Variants in BICD1 observed in about 807,000 individuals in gnomAD.
The protein encoded by BICD1 is BICD cargo adaptor 1, also known as protein bicaudal D homolog 1.
Under a neutral mutation model 92.5 loss-of-function variants are expected in BICD1, and 35 were observed. That is an observed-to-expected ratio of 0.38 (90% CI 0.29 to 0.50). The LOEUF (loss-of-function observed/expected upper bound fraction) is 0.50, where lower values mean the gene tolerates loss of function less well. BICD1 is among the 20% of genes least tolerant of loss of function. The pLI is 0.93. For missense variants in BICD1, 950 were observed against 1,189.8 expected (o/e 0.80, Z 2.97); for synonymous variants, 429 against 465.1 (o/e 0.92, Z 1.00).
In BICD1 at chr12:32,191,820, T is replaced by C. The variant is rs182284195; in HGVS notation, c.214-24427T>C. 5.3e-5 allele frequency among the ~76,000 whole-genome samples: 8 copies of C among 151,972 alleles called. No individual in the cohort carries two copies. In the East Asian group the frequency reaches 5.8e-4, roughly 11 times the overall value. On this transcript the variant is annotated intron_variant, in intron 1 of 9. Coordinates refer to ENST00000652176, the MANE Select transcript of BICD1 (RefSeq NM_001714.4). ...AGAAGGTGAATTTAATCAATAGATA[T>C]CATGTGGTCTCTGACTACTACAGTG...
rs1038551796 is a variant in BICD1 at position 32,216,601 on chromosome 12, T to C, written c.426+142T>C. On this transcript the variant is annotated intron_variant, in intron 2 of 9. Transcript: ENST00000652176. The stretch of plus-strand genomic sequence containing the variant: ...ACTACTAATACTGAGCTAGCAACTT[T>C]TCTTTTTTAGTGAAATGATAGCTAG... The C allele has an allele frequency of 4.7e-5, 38 of 801,112 alleles. No individual in the cohort carries two copies. The African/African-American group carries it at 5.9e-4, about 12-fold the overall frequency. 49.6% of individuals were successfully genotyped at this position (801,112 alleles called of 1,614,324 possible). A position where few individuals can be genotyped will look rare whatever the true frequency, so the allele number is the denominator to read the frequency against.
At chr12:32,270,698 T>A (rs1477603410) in intron 2 of BICD1, among the ~76,000 whole-genome samples, 2 of 152,254 alleles carry the variant, frequency 1.3e-5, no homozygotes, top group Non-Finnish European at 2.9e-5. Flanking sequence ...GTATTGATTC[T>A]GAATATGTAT....
chr12:32,138,689 G>A (rs915964825), intron 1 of BICD1, among the ~76,000 whole-genome samples: 3 of 152,154 alleles, frequency 2.0e-5, no homozygotes, highest in African/African-American at 7.2e-5. Context: ...GCTAATGTAA[G>A]TGTTTTGAGC....
intron 1 of BICD1, among the ~76,000 whole-genome samples, chr12:32,156,016 A>G (rs1250383217): frequency 6.6e-6 from 1 of 152,148 alleles, no homozygotes; most frequent in Non-Finnish European, 1.5e-5. Flanking sequence ...CACCTTTACA[A>G]TGGAGTGAGG....
intron 1 of BICD1, among the ~76,000 whole-genome samples, chr12:32,115,733 A>G (rs965041232): frequency 3.9e-5 from 6 of 152,224 alleles, no homozygotes; most frequent in Non-Finnish European, 7.3e-5. Flanking sequence ...ACCAGGGGAA[A>G]AGATGGACAG....
chr12:32,126,516 G>A (rs1043315283), intron 1 of BICD1, among the ~76,000 whole-genome samples: 5 of 152,012 alleles, frequency 3.3e-5, no homozygotes, highest in Non-Finnish European at 7.4e-5. Flanking sequence ...TAGCATTTTG[G>A]GAGGCCGAGG....
At chr12:32,321,548 C>A (rs1348555948) in intron 4 of BICD1, among the ~76,000 whole-genome samples, 1 of 152,070 alleles carries the variant, frequency 6.6e-6, no homozygotes, top group Non-Finnish European at 1.5e-5. Flanking sequence ...AGAAATAAGA[C>A]AACTATTCTC....
intron 1 of BICD1, among the ~76,000 whole-genome samples, chr12:32,135,735 C>G (rs908357840): frequency 6.6e-6 from 1 of 152,216 alleles, no homozygotes; most frequent in Admixed American, 6.5e-5. Context: ...ACCAGAGTCC[C>G]CACCATTCCA....
At chr12:32,360,155 G>T (rs997727521) in intron 8 of BICD1, among the ~76,000 whole-genome samples, 1 of 151,790 alleles carries the variant, frequency 6.6e-6, no homozygotes, top group African/African-American at 2.4e-5. Flanking sequence ...TCCAGCCTGT[G>T]CGACAGAGTG....
chr12:32,314,023 G>A (rs562483203), intron 4 of BICD1, among the ~76,000 whole-genome samples: 23 of 152,250 alleles, frequency 1.5e-4, no homozygotes, highest in African/African-American at 5.3e-4. Flanking sequence ...CATACAATGT[G>A]TGGTCTTTTG....
intron 1 of BICD1, among the ~76,000 whole-genome samples, chr12:32,213,484 C>T (rs1415941521): frequency 1.3e-5 from 2 of 152,180 alleles, no homozygotes; most frequent in South Asian, 2.1e-4. Context: ...CAACCTCCGT[C>T]TCTCGGGTTC....
At chr12:32,230,437 AATAAAT>A in intron 2 of BICD1, among the ~76,000 whole-genome samples, 2 of 38,762 alleles carry the variant, frequency 5.2e-5, no homozygotes, top group African/African-American at 1.1e-4. Context: ...TAAATAAATA[AATAAAT>A]AAGCAAGCAA....
chr12:32,341,934 C>A (rs1233528813), intron 8 of BICD1, among the ~76,000 whole-genome samples: 1 of 151,452 alleles, frequency 6.6e-6, no homozygotes, highest in African/African-American at 2.4e-5. Context: ...CATATAATAC[C>A]AGTCTTATGT....
rs143129476 is a variant in BICD1, at chr12:32,205,934, T to G, written c.214-10313T>G. Among the ~76,000 whole-genome samples the G allele has an allele frequency of 3.9e-4, 59 of 152,178 alleles. No homozygotes were observed. The East Asian group carries it at 6.0e-3, about 16-fold the overall frequency. ...AGATTAGTTTGCATTCTCTAGCATT[T>G]CATGTAAATGGAATGTTACTGAATG... On this transcript the variant is annotated intron_variant, in intron 1 of 9. Transcript: ENST00000652176.
intron 1 of BICD1, among the ~76,000 whole-genome samples, chr12:32,110,046 A>T (rs1941628887): frequency 6.6e-6 from 1 of 152,246 alleles, no homozygotes; most frequent in Non-Finnish European, 1.5e-5. Context: ...TTTAAAAATA[A>T]TTGAACCAGT....
At chr12:32,158,142 G>A (rs927828951) in intron 1 of BICD1, among the ~76,000 whole-genome samples, 4 of 106,222 alleles carry the variant, frequency 3.8e-5, no homozygotes, top group African/African-American at 1.5e-4. Context: ...TTTCACTCTT[G>A]TTGCCCAGGC....
chr12:32,162,572 C>A lies in BICD1; in HGVS notation c.214-53675C>A, dbSNP rs555541242. On this transcript the variant is annotated intron_variant, in intron 1 of 9. Coordinates refer to ENST00000652176, the MANE Select transcript of BICD1 (RefSeq NM_001714.4). ...TAAATAAGAAAAACAGTACGATATG[C>A]CTAGCAGAGTGCCTGGCTAATGGTA... 2.6e-5 allele frequency among the ~76,000 whole-genome samples: 4 copies of A among 152,258 alleles called. No homozygotes were observed. In the South Asian group the frequency reaches 8.3e-4, roughly 32 times the overall value.
At chr12:32,116,080 G>T (rs1037736032) in intron 1 of BICD1, among the ~76,000 whole-genome samples, 2 of 152,136 alleles carry the variant, frequency 1.3e-5, no homozygotes, top group Admixed American at 1.3e-4. Flanking sequence ...CAATGGAGGG[G>T]AATATGAAAG....
chr12:32,213,507 T>G (rs2120601), intron 1 of BICD1, among the ~76,000 whole-genome samples: 18,980 of 152,174 alleles, frequency 0.12, 1,460 homozygotes, highest in South Asian at 0.31. Context: ...GTGATTCTCC[T>G]GCCTCAGCCT....
Sources: gnomAD v4.1 joint callset for allele counts (sites outside exome capture counted in the v4.1 genomes callset) on GRCh38, gnomAD v4.1.1 for gene constraint, MANE v1.5 for transcripts, NCBI Gene and HGNC (gene_info 2026-07-23, HGNC 2026-07-21) for gene names.